Variants in WWC1 observed in about 807,000 individuals in gnomAD.
WWC1 encodes WW and C2 domain containing 1, also known as protein KIBRA.
In WWC1, 55 loss-of-function variants were observed where a neutral mutation model predicts 138.4. The ratio of observed to expected loss-of-function variants is 0.40; its 90% CI spans 0.32 to 0.50. The LOEUF (loss-of-function observed/expected upper bound fraction) is 0.50. WWC1 is among the 20% of genes least tolerant of loss of function. WWC1 has a pLI of 0.72. For synonymous variants in WWC1, 524 were observed against 564.9 expected, an observed-to-expected ratio of 0.93 and a Z score of 1.03; for missense variants, 1,226 against 1,420.4, an observed-to-expected ratio of 0.86 and a Z score of 2.20.
At chr5:168,385,519 T>A in intron 3 of WWC1, 105 bp downstream of exon 3, 1 of 1,186,244 alleles carries the variant, frequency 8.4e-7, no homozygotes, top group Non-Finnish European at 1.2e-6. Context: ...TCTTCACCTC[T>A]ACTCTTTGTC....
At chr5:168,431,501 GCTGA>G (rs1561757502) in intron 15 of WWC1, 57 bp downstream of exon 15, 2 of 1,097,528 alleles carry the variant, frequency 1.8e-6, no homozygotes, top group African/African-American at 3.1e-5. Context: ...TGGCTGGCTG[GCTGA>G]CCGGCCTTCT....
intron 1 of WWC1, among the ~76,000 whole-genome samples, chr5:168,312,276 G>A (rs566297805): frequency 6.6e-6 from 1 of 152,034 alleles, no homozygotes; most frequent in East Asian, 1.9e-4. Flanking sequence ...AGTTCTAACT[G>A]TTTTATATTT....
chr5:168,422,435 C>T (rs1292254738), intron 10 of WWC1, among the ~76,000 whole-genome samples: 2 of 152,094 alleles, frequency 1.3e-5, no homozygotes, highest in Non-Finnish European at 2.9e-5. Context: ...TTGAAGCCAG[C>T]CTGAGCAACA....
intron 3 of WWC1, among the ~76,000 whole-genome samples, chr5:168,385,866 A>G (rs889940255): frequency 4.6e-5 from 7 of 152,214 alleles, no homozygotes; most frequent in African/African-American, 1.4e-4. Context: ...CCGCAATTTC[A>G]AAACAATCAA....
At chr5:168,396,525 A>G (rs991673742) in intron 3 of WWC1, among the ~76,000 whole-genome samples, 7 of 152,228 alleles carry the variant, frequency 4.6e-5, no homozygotes, top group African/African-American at 1.2e-4. Flanking sequence ...AAGGACTCAC[A>G]GGAGAAATAC....
Position 168,455,397 on chromosome 5 carries a change from C to G in WWC1, c.2700C>G (p.Pro900=). 6.2e-7 allele frequency: 1 copy of G among 1,607,330 alleles called. No individual in the cohort carries two copies. The highest frequency in any genetic ancestry group is 8.5e-7 in the Non-Finnish European group (1 of 1,177,154). Reference sequence around the variant, plus strand: ...ACACGGAGACCCCGGCCCCATCCCCCACAGTGGTGCGACCTAAGGACCGGA... The same window carrying G: ...ACACGGAGACCCCGGCCCCATCCCCGACAGTGGTGCGACCTAAGGACCGGA... ...ETNTETPAPS[P]TVVRPKDRRV... Residue 900 remains proline (P), a synonymous_variant, in exon 19 of 23, where the codon CCC becomes CCG. Coordinates refer to ENST00000265293, the MANE Select transcript of WWC1 (RefSeq NM_015238.3).
At chr5:168,310,705 G>A (rs140888988) in intron 1 of WWC1, among the ~76,000 whole-genome samples, 1 of 152,078 alleles carries the variant, frequency 6.6e-6, no homozygotes, top group Non-Finnish European at 1.5e-5. Context: ...GCATAGTAGT[G>A]CATGCCTGTG....
intron 10 of WWC1, 127 bp from the exon 11 acceptor site, chr5:168,423,406 G>A (rs1028783069): frequency 9.6e-7 from 1 of 1,043,174 alleles, no homozygotes; most frequent in Non-Finnish European, 1.4e-6. Flanking sequence ...TGGGGGTGAA[G>A]GGTCTACCCT....
At chr5:168,425,358 C>A (rs1781422859) in intron 11 of WWC1, among the ~76,000 whole-genome samples, 1 of 152,058 alleles carries the variant, frequency 6.6e-6, no homozygotes, top group African/African-American at 2.4e-5. Context: ...GCTTTCCTGG[C>A]CACAGTAAAA....
intron 20 of WWC1, among the ~76,000 whole-genome samples, chr5:168,464,167 A>G (rs944633835): frequency 2.0e-5 from 3 of 152,142 alleles, no homozygotes; most frequent in Non-Finnish European, 2.9e-5. Flanking sequence ...AGGCTGGGGA[A>G]ACAAATGGTG....
intron 1 of WWC1, among the ~76,000 whole-genome samples, chr5:168,308,314 T>TAATTACAGATTAGGA (rs1438881530): frequency 6.6e-6 from 1 of 152,090 alleles, no homozygotes; most frequent in Non-Finnish European, 1.5e-5. Flanking sequence ...ACAAGCAAAA[T>TAATTACAGATTAGGA]AATTACAGAT....
chr5:168,433,736 C>T (rs1464183439), intron 15 of WWC1, among the ~76,000 whole-genome samples: 3 of 152,096 alleles, frequency 2.0e-5, no homozygotes, highest in Non-Finnish European at 2.9e-5. Flanking sequence ...CGGGGTTTTG[C>T]CATGTTGGCC....
intron 1 of WWC1, among the ~76,000 whole-genome samples, chr5:168,325,877 C>T (rs953440254): frequency 6.6e-6 from 1 of 152,126 alleles, no homozygotes; most frequent in African/African-American, 2.4e-5. Context: ...ACTCTAGATA[C>T]CTCATATAAA....
intron 2 of WWC1, among the ~76,000 whole-genome samples, chr5:168,380,316 C>T (rs1216601573): frequency 6.6e-6 from 1 of 151,958 alleles, no homozygotes; most frequent in Non-Finnish European, 1.5e-5. Context: ...AATAAAAATA[C>T]AGAATCAGCT....
At chr5:168,371,560 C>T (rs1776753036) in intron 2 of WWC1, 27 bp downstream of exon 2, 1 of 1,562,422 alleles carries the variant, frequency 6.4e-7, no homozygotes, top group Admixed American at 1.7e-5. Context: ...CCTCCCTTCC[C>T]TGTGCCCTCT....
intron 15 of WWC1, among the ~76,000 whole-genome samples, chr5:168,433,369 C>T (rs1782098815): frequency 6.6e-6 from 1 of 152,224 alleles, no homozygotes; most frequent in Admixed American, 6.5e-5. Flanking sequence ...GAATGTAGAG[C>T]AGCAAAGTGT....
At chr5:168,352,837 G>A (rs555908572) in intron 1 of WWC1, among the ~76,000 whole-genome samples, 1 of 152,144 alleles carries the variant, frequency 6.6e-6, no homozygotes, top group South Asian at 2.1e-4. Context: ...ACCCACCTCG[G>A]CCTCTCAAAT....
At chr5:168,375,216 C>T (rs1561676242) in intron 2 of WWC1, among the ~76,000 whole-genome samples, 1 of 151,666 alleles carries the variant, frequency 6.6e-6, no homozygotes, top group Non-Finnish European at 1.5e-5. Flanking sequence ...GAGAAGAGGA[C>T]CAAGGAATAA....
At chr5:168,330,759 G>T (rs1195032355) in intron 1 of WWC1, among the ~76,000 whole-genome samples, 2 of 152,224 alleles carry the variant, frequency 1.3e-5, no homozygotes, top group African/African-American at 4.8e-5. Context: ...GCAGGCAGCA[G>T]TCGGGTTTGG....
Sources: gnomAD v4.1 joint callset for allele counts (sites outside exome capture counted in the v4.1 genomes callset) on GRCh38, gnomAD v4.1.1 for gene constraint, MANE v1.5 for transcripts, NCBI Gene and HGNC (gene_info 2026-07-23, HGNC 2026-07-21) for gene names.